The following LGSN variants were observed in gnomAD, a reference collection of about 807,000 sequenced individuals.
LGSN encodes lengsin.
Under a neutral mutation model 19.5 loss-of-function variants are expected in LGSN, and 21 were observed. That is an observed-to-expected ratio of 1.07 (90% CI 0.76 to 1.55). The LOEUF (loss-of-function observed/expected upper bound fraction) is 1.55. Ranked by LOEUF, LGSN falls within the 40% of genes most tolerant of loss-of-function variation. The pLI is 0.00. For missense variants in LGSN, 673 were observed against 608.5 expected, an observed-to-expected ratio of 1.11 and a Z score of -1.12; for synonymous variants, 257 against 215.6, an observed-to-expected ratio of 1.19 and a Z score of -1.68.
the LGSN span, among the ~76,000 whole-genome samples, chr6:63,530,688 A>T: frequency 6.6e-6 from 1 of 152,334 alleles, no homozygotes; most frequent in East Asian, 1.9e-4. Context: ...CAAATAAAAC[A>T]TATACATAGA....
At chr6:63,567,137 G>A in the LGSN span, among the ~76,000 whole-genome samples, 1 of 152,192 alleles carries the variant, frequency 6.6e-6, no homozygotes, top group African/African-American at 2.4e-5. Context: ...TCATCCATGA[G>A]AGTTGGAGTT....
chr6:63,496,140 G>A, the LGSN span, among the ~76,000 whole-genome samples: 1 of 152,114 alleles, frequency 6.6e-6, no homozygotes. Flanking sequence ...GGCCAGGCTG[G>A]TCTCGAACTC....
intron 2 of LGSN, among the ~76,000 whole-genome samples, chr6:63,289,917 G>A (rs776132771): frequency 1.3e-5 from 2 of 152,114 alleles, no homozygotes; most frequent in African/African-American, 2.4e-5. Flanking sequence ...TATGGTGAGA[G>A]CCACCCTGTT....
intron 1 of LGSN, among the ~76,000 whole-genome samples, chr6:63,306,408 A>G (rs189464314): frequency 3.5e-4 from 53 of 152,334 alleles, no homozygotes; most frequent in African/African-American, 1.3e-3. Context: ...CTTCAATTAT[A>G]TATTCTTTTT....
chr6:63,412,717 A>AGGAAGGAAGGAC, the LGSN span, among the ~76,000 whole-genome samples: 19 of 86,682 alleles, frequency 2.2e-4, no homozygotes, highest in African/African-American at 1.1e-3. Context: ...GAGGGAAGGA[A>AGGAAGGAAGGAC]GGAAAGAAAG....
chr6:63,490,988 C>T, the LGSN span, among the ~76,000 whole-genome samples: 1 of 151,996 alleles, frequency 6.6e-6, no homozygotes, highest in Non-Finnish European at 1.5e-5. Flanking sequence ...TGATTAGGGC[C>T]CTCAACGGGT....
chr6:63,416,932 T>TACACACACAC, the LGSN span, among the ~76,000 whole-genome samples: 2 of 147,816 alleles, frequency 1.4e-5, no homozygotes, highest in African/African-American at 4.9e-5. Context: ...CATATGTATG[T>TACACACACAC]ACACACACAC....
At chr6:63,300,241 G>A (rs1449401228) in intron 1 of LGSN, among the ~76,000 whole-genome samples, 1 of 152,236 alleles carries the variant, frequency 6.6e-6, no homozygotes, top group African/African-American at 2.4e-5. Flanking sequence ...TACACCTGGT[G>A]TGTAAATTAG....
At chr6:63,463,591 G>A in the LGSN span, among the ~76,000 whole-genome samples, 3 of 151,984 alleles carry the variant, frequency 2.0e-5, no homozygotes, top group Admixed American at 6.6e-5. Flanking sequence ...GGCCTTGTAC[G>A]TTATGTGTGA....
At chr6:63,328,956 G>A in the LGSN span, among the ~76,000 whole-genome samples, 6 of 152,228 alleles carry the variant, frequency 3.9e-5, no homozygotes, top group East Asian at 1.9e-4. Flanking sequence ...AGTAAAGGCT[G>A]TATTCATTCC....
chr6:63,541,751 T>G, the LGSN span, among the ~76,000 whole-genome samples: 77,167 of 151,850 alleles, frequency 0.51, 20,656 homozygotes, highest in African/African-American at 0.68. Flanking sequence ...TTTATTAATA[T>G]ATTTACCATC....
At chr6:63,293,644 G>GAATCCTTACCAGTA (rs1208875321) in intron 2 of LGSN, 1 of 432,026 alleles carries the variant, frequency 2.3e-6, no homozygotes, top group Non-Finnish European at 4.6e-6. Context: ...GTTTGTTCCA[G>GAATCCTTACCAGTA]AATCCTTACC....
At chr6:63,431,963 C>T in the LGSN span, among the ~76,000 whole-genome samples, 1 of 151,454 alleles carries the variant, frequency 6.6e-6, no homozygotes, top group Non-Finnish European at 1.5e-5. Flanking sequence ...ATGGTCCCAG[C>T]TACTCGGGAG....
the LGSN span, among the ~76,000 whole-genome samples, chr6:63,518,207 T>C: frequency 6.6e-6 from 1 of 151,870 alleles, no homozygotes; most frequent in Non-Finnish European, 1.5e-5. Flanking sequence ...CCCTTTACTA[T>C]GGAAAATATT....
chr6:63,541,895 C>T, the LGSN span, among the ~76,000 whole-genome samples: 4 of 152,140 alleles, frequency 2.6e-5, no homozygotes, highest in African/African-American at 9.7e-5. Flanking sequence ...ATCCAGCTTA[C>T]AACCATTTCC....
the LGSN span, among the ~76,000 whole-genome samples, chr6:63,535,368 C>G: frequency 2.0e-5 from 3 of 151,946 alleles, no homozygotes; most frequent in South Asian, 2.1e-4. Flanking sequence ...ACTTGGGTGC[C>G]TGAGGCACGA....
the LGSN span, among the ~76,000 whole-genome samples, chr6:63,411,548 T>C: frequency 6.6e-6 from 1 of 152,182 alleles, no homozygotes; most frequent in African/African-American, 2.4e-5. Context: ...AAGTGCTTAA[T>C]ATTGTGCTAA....
the LGSN span, among the ~76,000 whole-genome samples, chr6:63,471,884 G>T: frequency 6.6e-6 from 1 of 152,072 alleles, no homozygotes; most frequent in Admixed American, 6.6e-5. Context: ...GTTACAATAA[G>T]ACAAAAAGAG....
chr6:63,481,509 A>T, the LGSN span, among the ~76,000 whole-genome samples: 1 of 112,866 alleles, frequency 8.9e-6, no homozygotes, highest in East Asian at 2.9e-4. Flanking sequence ...TGCCCGGCTA[A>T]TTTTTTGTAT....
Sources: gnomAD v4.1 joint callset for allele counts (sites outside exome capture counted in the v4.1 genomes callset) on GRCh38, gnomAD v4.1.1 for gene constraint, MANE v1.5 for transcripts, NCBI Gene and HGNC (gene_info 2026-07-23, HGNC 2026-07-21) for gene names.